Variants in MPPED1 observed in about 807,000 individuals in gnomAD.
MPPED1 encodes metallophosphoesterase domain containing 1, also known as metallophosphoesterase domain-containing protein 1.
In MPPED1, 16 loss-of-function variants were observed where a neutral mutation model predicts 36.2. The observed-to-expected ratio is 0.44, with a 90% CI of 0.30 to 0.67. The LOEUF (loss-of-function observed/expected upper bound fraction) is 0.67. Ranked by LOEUF, MPPED1 falls within the 30% of genes least tolerant of loss-of-function variation. The probability of loss-of-function intolerance (pLI) is 0.10; values close to 1 mark genes in which losing one functional copy is unlikely to be tolerated. For missense variants in MPPED1, 307 were observed against 453.4 expected, an observed-to-expected ratio of 0.68 and a Z score of 2.93; for synonymous variants, 199 against 191.3, an observed-to-expected ratio of 1.04 and a Z score of -0.33.
chr22:43,497,186 G>A (rs1422709775), intron 4 of MPPED1, among the ~76,000 whole-genome samples: 1 of 151,868 alleles, frequency 6.6e-6, no homozygotes, highest in Non-Finnish European at 1.5e-5. Flanking sequence ...GTTGATGGTA[G>A]AAGTGCTAGT....
chr22:43,449,285 A>T (rs1364264447), intron 3 of MPPED1, among the ~76,000 whole-genome samples: 2 of 152,042 alleles, frequency 1.3e-5, no homozygotes, highest in South Asian at 2.1e-4. Context: ...GGCCCTGAGT[A>T]TATTGTCCCC....
chr22:43,454,045 G>A (rs1277433420), intron 3 of MPPED1, among the ~76,000 whole-genome samples: 3 of 152,082 alleles, frequency 2.0e-5, no homozygotes, highest in African/African-American at 2.4e-5. Context: ...GTTTCGCTCT[G>A]TCGCCCAGGC....
intron 5 of MPPED1, among the ~76,000 whole-genome samples, chr22:43,498,692 C>T (rs563696972): frequency 1.6e-4 from 25 of 152,196 alleles, no homozygotes; most frequent in African/African-American, 6.0e-4. Context: ...GGGCTTCCTC[C>T]GGGCAGCCCT....
At chr22:43,491,746 T>A (rs771060255) in intron 4 of MPPED1, among the ~76,000 whole-genome samples, 122 of 53,516 alleles carry the variant, frequency 2.3e-3, no homozygotes, top group African/African-American at 3.3e-3. Context: ...GTGGTGATGG[T>A]GATGGAGGTA....
intron 3 of MPPED1, among the ~76,000 whole-genome samples, chr22:43,448,605 TA>T (rs1930448427): frequency 7.7e-6 from 1 of 130,178 alleles, no homozygotes; most frequent in East Asian, 2.3e-4. Context: ...TTTATTTATT[TA>T]TTTATTTATT....
At chr22:43,469,801 AT>A (rs560355072) in intron 3 of MPPED1, among the ~76,000 whole-genome samples, 7 of 152,176 alleles carry the variant, frequency 4.6e-5, no homozygotes, top group Non-Finnish European at 5.9e-5. Flanking sequence ...CTAGCTAAGG[AT>A]GGATTGATTG....
At chr22:43,442,951 A>G (rs1051719086) in intron 3 of MPPED1, among the ~76,000 whole-genome samples, 2 of 152,132 alleles carry the variant, frequency 1.3e-5, no homozygotes, top group African/African-American at 4.8e-5. Context: ...ATCTCAGTCA[A>G]CACAGCGTGA....
chr22:43,500,235 A>G (rs1465809635), intron 5 of MPPED1, among the ~76,000 whole-genome samples: 5 of 79,350 alleles, frequency 6.3e-5, no homozygotes, highest in Non-Finnish European at 9.3e-5. Context: ...GGAGGTGGTG[A>G]TGGAGGTGGC....
chr22:43,445,879 C>CCTTTT (rs1930323306), intron 3 of MPPED1, among the ~76,000 whole-genome samples: 1 of 35,428 alleles, frequency 2.8e-5, no homozygotes, highest in African/African-American at 9.5e-5. Flanking sequence ...CTGGTGTTTA[C>CCTTTT]ATTTTCTTTT....
At chr22:43,453,328 C>A (rs866505839) in intron 3 of MPPED1, among the ~76,000 whole-genome samples, 3 of 134,208 alleles carry the variant, frequency 2.2e-5, no homozygotes, top group Non-Finnish European at 3.4e-5. Context: ...CGCACCACCC[C>A]CCCTGCCCCT....
chr22:43,458,111 A>G lies in MPPED1; in HGVS notation c.407-16625A>G, dbSNP rs141490055. Among the ~76,000 whole-genome samples, 155 of 152,244 alleles carry G rather than the reference A, an allele frequency of 1.0e-3. 3 individuals carry two copies. In the East Asian group the frequency reaches 0.027, roughly 26 times the overall value. ...ATAGCTTTGGTATGTAGTAGGCTGTATGATCTAGGTTTGCGTAAGTACACT... is the reference window on the plus strand; with the variant it reads ...ATAGCTTTGGTATGTAGTAGGCTGTGTGATCTAGGTTTGCGTAAGTACACT... On this transcript the variant is annotated intron_variant, in intron 3 of 6. Transcript: ENST00000443721.
chr22:43,461,747 T>A (rs758022729), intron 3 of MPPED1, among the ~76,000 whole-genome samples: 1 of 152,222 alleles, frequency 6.6e-6, no homozygotes. Flanking sequence ...TATGTCTAAG[T>A]GGTTGTGACT....
At chr22:43,420,167 T>C (rs555346153) in intron 1 of MPPED1, among the ~76,000 whole-genome samples, 15 of 152,300 alleles carry the variant, frequency 9.8e-5, no homozygotes, top group African/African-American at 3.6e-4. Flanking sequence ...ACTTTCCCAG[T>C]GTCCTACCGC....
chr22:43,496,995 AGGT>A lies in MPPED1; in HGVS notation c.633-1228_633-1226del, dbSNP rs1480814138. Among the ~76,000 whole-genome samples, 403 of 87,022 alleles carry A rather than the reference AGGT, an allele frequency of 4.6e-3. 4 individuals are homozygous for A. The highest frequency in any genetic ancestry group is 0.019 in the Middle Eastern group (2 of 106). 57.1% of individuals were successfully genotyped at this position (87,022 alleles called of 152,430 possible). On this transcript the variant is annotated intron_variant, in intron 4 of 6. Coordinates refer to ENST00000443721, the MANE Select transcript of MPPED1 (RefSeq NM_001044370.2). ...GTGGTGGTGGAGGTAGTGGTGGTGG[AGGT>A]GGTGGTGGTGGAGGTAGTGGTGGTG...
intron 3 of MPPED1, among the ~76,000 whole-genome samples, chr22:43,449,276 G>T (rs1019595965): frequency 1.3e-5 from 2 of 152,122 alleles, no homozygotes; most frequent in Admixed American, 6.6e-5. Flanking sequence ...GATATCCTGG[G>T]CCCTGAGTAT....
At chr22:43,446,209 A>G (rs1569072563) in intron 3 of MPPED1, among the ~76,000 whole-genome samples, 1 of 152,184 alleles carries the variant, frequency 6.6e-6, no homozygotes, top group Non-Finnish European at 1.5e-5. Flanking sequence ...TCTGCCTCAA[A>G]CTAGTCATAG....
At chr22:43,445,769 C>T (rs961729288) in intron 3 of MPPED1, among the ~76,000 whole-genome samples, 1 of 151,608 alleles carries the variant, frequency 6.6e-6, no homozygotes, top group Non-Finnish European at 1.5e-5. Context: ...GGGGTTTTAC[C>T]ATTTTGCCCA....
Position 43,498,292 on chromosome 22 carries a change from GA to G in MPPED1, c.693del (p.Lys231AsnfsTer9). 1 of 1,535,466 alleles carries G rather than the reference GA, an allele frequency of 6.5e-7. No individual in the cohort carries two copies. Among genetic ancestry groups the G allele is most frequent in the Non-Finnish European group, 8.7e-7 (1 of 1,146,592 alleles). ...TCCCGCGAGGCCAAGCCCTGCTGGA[GA>G]AATGGAACCTCATTCCCGAAGGCGT... ...NLPRGQALLE[K>X]WNLIPEGVDI... On this transcript the variant is annotated frameshift_variant, in exon 5 of 7. Coordinates refer to ENST00000443721, the MANE Select transcript of MPPED1 (RefSeq NM_001044370.2). LOFTEE classifies it high-confidence loss of function.
At chr22:43,421,298 C>T (rs962057688) in intron 1 of MPPED1, among the ~76,000 whole-genome samples, 2 of 152,244 alleles carry the variant, frequency 1.3e-5, no homozygotes, top group African/African-American at 4.8e-5. Context: ...TAAAAGAAGC[C>T]GTTGCGTTTC....
Sources: allele counts gnomAD v4.1 joint callset (sites outside exome capture counted in the v4.1 genomes callset), GRCh38; gene constraint gnomAD v4.1.1; transcripts MANE v1.5; gene names NCBI Gene and HGNC (gene_info 2026-07-23, HGNC 2026-07-21).